Variants in CPNE8 observed in about 807,000 individuals in gnomAD.
The protein encoded by CPNE8 is copine-8.
Under a neutral mutation model 81.5 loss-of-function variants are expected in CPNE8, and 45 were observed. The observed-to-expected ratio is 0.55, with a 90% CI of 0.44 to 0.71. CPNE8 has a LOEUF of 0.71. Ranked by LOEUF, CPNE8 falls within the 30% of genes least tolerant of loss-of-function variation. CPNE8 has a pLI of 0.00. For synonymous variants in CPNE8, 252 were observed against 226.3 expected (o/e 1.11, Z -1.02); for missense variants, 594 against 672.1 (o/e 0.88, Z 1.28).
Position 38,653,845 on chromosome 12 carries a change from T to C in CPNE8, c.*37A>G. ...AGGCACAAAGCATTAACTCAGCACT[T>C]TTGATTTGTAGTTGACATTAGCATT... is the stretch of plus-strand genomic sequence containing the variant. On this transcript the variant is annotated 3_prime_UTR_variant, in exon 20 of 20. Transcript: ENST00000331366. 6.3e-7 allele frequency: 1 copy of C among 1,598,776 alleles called. No individual in the cohort carries two copies. The highest frequency in any genetic ancestry group is 8.5e-7 in the Non-Finnish European group (1 of 1,175,106).
At chr12:38,740,753 G>A (rs1478369609) in intron 10 of CPNE8, among the ~76,000 whole-genome samples, 2 of 152,168 alleles carry the variant, frequency 1.3e-5, no homozygotes, top group Non-Finnish European at 2.9e-5. Context: ...CTTGATCATG[G>A]TGGATAAGCT....
chr12:38,716,562 T>A (rs1095576), intron 13 of CPNE8, among the ~76,000 whole-genome samples: 1 of 151,920 alleles, frequency 6.6e-6, no homozygotes, highest in East Asian at 1.9e-4. Context: ...ATTCAATAAA[T>A]GATACTGGGA....
chr12:38,799,486 C>A (rs1488718057), intron 6 of CPNE8, among the ~76,000 whole-genome samples: 1 of 152,140 alleles, frequency 6.6e-6, no homozygotes, highest in Admixed American at 6.5e-5. Flanking sequence ...AAAAGATATT[C>A]TTTTAAACCA....
At chr12:38,803,341 G>A (rs575305623) in intron 6 of CPNE8, among the ~76,000 whole-genome samples, 1 of 107,802 alleles carries the variant, frequency 9.3e-6, no homozygotes, top group African/African-American at 2.9e-5. Context: ...TGGGATGCAA[G>A]GCTGGTTCAA....
Position 38,699,624 on chromosome 12 carries a change from G to T in CPNE8, c.961+3251C>A, listed in dbSNP as rs1280946675. ...ATTCTTACCTTTTGGTGGCTGCATA[G>T]TGTTTCATTCTGTGGCCGAACCACG... On this transcript the variant is annotated intron_variant, in intron 14 of 19. Coordinates refer to ENST00000331366, the MANE Select transcript of CPNE8 (RefSeq NM_153634.3). 2.7e-5 allele frequency among the ~76,000 whole-genome samples: 4 copies of T among 150,100 alleles called. No individual in the cohort carries two copies. The East Asian group carries it at 5.9e-4, about 22-fold the overall frequency.
At chr12:38,699,955 T>A (rs937147881) in intron 14 of CPNE8, among the ~76,000 whole-genome samples, 3 of 152,206 alleles carry the variant, frequency 2.0e-5, no homozygotes, top group African/African-American at 7.2e-5. Flanking sequence ...TTGGTTATAG[T>A]AGATTTTCAG....
At chr12:38,685,962 A>T (rs150981056) in intron 15 of CPNE8, among the ~76,000 whole-genome samples, 8 of 152,304 alleles carry the variant, frequency 5.3e-5, no homozygotes, top group Admixed American at 5.2e-4. Flanking sequence ...GGAGATAAAC[A>T]TATAGAAATC....
At chr12:38,891,969 T>C (rs947939808) in intron 1 of CPNE8, among the ~76,000 whole-genome samples, 1 of 152,228 alleles carries the variant, frequency 6.6e-6, no homozygotes, top group Non-Finnish European at 1.5e-5. Flanking sequence ...TAAAAAATTT[T>C]AAGTCAAAAT....
At chr12:38,692,511 T>A (rs1056624573) in intron 15 of CPNE8, among the ~76,000 whole-genome samples, 1 of 152,158 alleles carries the variant, frequency 6.6e-6, no homozygotes, top group African/African-American at 2.4e-5. Flanking sequence ...GAGTATCTTA[T>A]TGAGTTCAAA....
chr12:38,771,070 C>CA (rs562782891), intron 7 of CPNE8, among the ~76,000 whole-genome samples: 329 of 151,930 alleles, frequency 2.2e-3, no homozygotes, highest in Non-Finnish European at 4.1e-3. Context: ...GCATTCATTC[C>CA]AAGGACATAA....
chr12:38,674,185 G>A (rs996786324), intron 18 of CPNE8, among the ~76,000 whole-genome samples: 8 of 152,206 alleles, frequency 5.3e-5, no homozygotes, highest in Admixed American at 3.3e-4. Context: ...GTAGCAAAAC[G>A]GCTGTGCCTG....
intron 13 of CPNE8, among the ~76,000 whole-genome samples, chr12:38,707,022 A>G (rs826891): frequency 0.5 from 76,563 of 152,052 alleles, 20,306 homozygotes; most frequent in East Asian, 0.8. Flanking sequence ...TAAAAAGAAG[A>G]AGAGAGCAGA....
At chr12:38,760,067 T>C (rs1028069569) in intron 10 of CPNE8, among the ~76,000 whole-genome samples, 1 of 152,148 alleles carries the variant, frequency 6.6e-6, no homozygotes, top group Non-Finnish European at 1.5e-5. Context: ...AGCTATGGAT[T>C]TGAGTTTAGG....
intron 10 of CPNE8, among the ~76,000 whole-genome samples, chr12:38,756,948 T>C (rs1200168651): frequency 1.3e-5 from 2 of 152,184 alleles, no homozygotes; most frequent in Non-Finnish European, 2.9e-5. Flanking sequence ...TAATTTTGTA[T>C]TGATTCTATA....
rs111849013 is a variant in CPNE8 at position 38,715,600 on chromosome 12, G to A, written c.914+8172C>T. On this transcript the variant is annotated intron_variant, in intron 13 of 19. Coordinates refer to ENST00000331366, the MANE Select transcript of CPNE8 (RefSeq NM_153634.3). ...TTAATGAAATCCAGCATTGCTTTAT[G>A]ATAAAAATCCCTCAACAAAATAAGC... Among the ~76,000 whole-genome samples, 261 of 151,988 alleles carry A rather than the reference G, an allele frequency of 1.7e-3. 1 individual carries two copies. The highest frequency in any genetic ancestry group is 6.0e-3 in the African/African-American group (249 of 41,500).
chr12:38,868,772 C>A (rs1181539738), intron 3 of CPNE8, among the ~76,000 whole-genome samples: 1 of 152,076 alleles, frequency 6.6e-6, no homozygotes, highest in Non-Finnish European at 1.5e-5. Flanking sequence ...ACCCCCATTT[C>A]CAAATGAAAA....
intron 18 of CPNE8, among the ~76,000 whole-genome samples, chr12:38,674,008 T>C (rs957698395): frequency 2.0e-5 from 3 of 152,142 alleles, no homozygotes; most frequent in African/African-American, 7.2e-5. Context: ...TTGCTAGTAA[T>C]AAAGCTGATA....
chr12:38,781,063 G>A (rs1355760387), intron 6 of CPNE8, among the ~76,000 whole-genome samples: 2 of 151,936 alleles, frequency 1.3e-5, no homozygotes, highest in Non-Finnish European at 2.9e-5. Flanking sequence ...GTCTCTTACT[G>A]TTCAGGAAGA....
At chr12:38,894,683 CT>C in intron 1 of CPNE8, among the ~76,000 whole-genome samples, 1 of 148,182 alleles carries the variant, frequency 6.7e-6, no homozygotes, top group African/African-American at 2.5e-5. Context: ...CTCTCTCTCT[CT>C]CTCTCTCTCT....
Sources: gnomAD v4.1 joint callset for allele counts (sites outside exome capture counted in the v4.1 genomes callset) on GRCh38, gnomAD v4.1.1 for gene constraint, MANE v1.5 for transcripts, NCBI Gene and HGNC (gene_info 2026-07-23, HGNC 2026-07-21) for gene names.